REDIC1: variants seen among roughly 807,000 people sequenced by gnomAD.
The protein encoded by REDIC1 is regulator of DNA class I crossover intermediates 1, also known as HEI10 Interacting Protein 1.
At chr12:39,848,542 T>G in the REDIC1 span, among the ~76,000 whole-genome samples, 1 of 152,138 alleles carries the variant, frequency 6.6e-6, no homozygotes, top group African/African-American at 2.4e-5. Flanking sequence ...GGTGAGGTTG[T>G]GGAGAAAAGG....
the REDIC1 span, among the ~76,000 whole-genome samples, chr12:39,712,724 T>C: frequency 3.6e-5 from 1 of 27,852 alleles, no homozygotes; most frequent in African/African-American, 2.7e-4. Flanking sequence ...GACGTATACG[T>C]GTATATATGT....
chr12:39,797,838 T>A, the REDIC1 span, among the ~76,000 whole-genome samples: 1 of 151,648 alleles, frequency 6.6e-6, no homozygotes, highest in Non-Finnish European at 1.5e-5. Flanking sequence ...CATGTAAACA[T>A]AAAAGTTATT....
At chr12:39,849,886 G>GT in the REDIC1 span, among the ~76,000 whole-genome samples, 1 of 151,626 alleles carries the variant, frequency 6.6e-6, no homozygotes, top group Non-Finnish European at 1.5e-5. Context: ...CTCTGTTGTT[G>GT]TTTTTTAAAA....
the REDIC1 span, among the ~76,000 whole-genome samples, chr12:39,876,943 T>C: frequency 6.6e-6 from 1 of 152,160 alleles, no homozygotes; most frequent in African/African-American, 2.4e-5. Flanking sequence ...CTGTAAGACC[T>C]TAAAGATTTC....
the REDIC1 span, among the ~76,000 whole-genome samples, chr12:39,649,633 TC>T: frequency 6.6e-6 from 1 of 151,684 alleles, no homozygotes; most frequent in Non-Finnish European, 1.5e-5. Flanking sequence ...ACTTCTCATT[TC>T]TATGTTTCAT....
chr12:39,801,339 TA>T, the REDIC1 span, among the ~76,000 whole-genome samples: 179 of 126,838 alleles, frequency 1.4e-3, 1 homozygote, highest in East Asian at 8.6e-3. Flanking sequence ...ATGAGGAAAT[TA>T]AAAAAAAAAA....
At chr12:39,879,591 T>C in the REDIC1 span, among the ~76,000 whole-genome samples, 1 of 152,346 alleles carries the variant, frequency 6.6e-6, no homozygotes, top group African/African-American at 2.4e-5. Flanking sequence ...CTGTACCCCC[T>C]TTCTTCCTTT....
the REDIC1 span, among the ~76,000 whole-genome samples, chr12:39,706,761 C>CA: frequency 6.6e-6 from 1 of 151,926 alleles, no homozygotes; most frequent in Non-Finnish European, 1.5e-5. Flanking sequence ...TGGGAAAAGA[C>CA]AGTCTCTTCA....
the REDIC1 span, among the ~76,000 whole-genome samples, chr12:39,815,611 C>A: frequency 8.0e-4 from 121 of 152,156 alleles, no homozygotes; most frequent in East Asian, 8.5e-3. Context: ...CGGTAAGAGG[C>A]GAACGGGGAT....
chr12:39,655,976 C>T, the REDIC1 span, among the ~76,000 whole-genome samples: 13 of 151,878 alleles, frequency 8.6e-5, no homozygotes, highest in African/African-American at 1.2e-4. Flanking sequence ...TGCCCCACAT[C>T]AGGTTTTTTT....
At chr12:39,864,771 G>C in the REDIC1 span, 1 of 1,614,010 alleles carries the variant, frequency 6.2e-7, no homozygotes, top group Non-Finnish European at 8.5e-7. Context: ...CCTGTATCTT[G>C]TGCAAGTGGC....
chr12:39,891,599 T>C, the REDIC1 span, among the ~76,000 whole-genome samples: 4 of 152,184 alleles, frequency 2.6e-5, no homozygotes, highest in Non-Finnish European at 5.9e-5. Context: ...AGGCAGGAAC[T>C]TGGAAATAAT....
the REDIC1 span, among the ~76,000 whole-genome samples, chr12:39,733,070 C>CAT: frequency 3.7e-3 from 1 of 268 alleles, no homozygotes; most frequent in East Asian, 0.25. Flanking sequence ...CAGAAAAATG[C>CAT]ACACACACAC....
the REDIC1 span, among the ~76,000 whole-genome samples, chr12:39,730,027 C>T: frequency 6.6e-6 from 1 of 152,120 alleles, no homozygotes; most frequent in African/African-American, 2.4e-5. Context: ...ATTCCTCCAT[C>T]CTTTTATTTT....
the REDIC1 span, among the ~76,000 whole-genome samples, chr12:39,697,107 A>G: frequency 6.6e-6 from 1 of 152,232 alleles, no homozygotes; most frequent in African/African-American, 2.4e-5. Context: ...AAAGGATGCT[A>G]AAAGCGGCAA....
At chr12:39,626,215 CT>C in the REDIC1 span, 1 of 1,035,072 alleles carries the variant, frequency 9.7e-7, no homozygotes, top group South Asian at 1.5e-5. Flanking sequence ...CCAGAAGGAG[CT>C]TACTCGGGCC....
the REDIC1 span, among the ~76,000 whole-genome samples, chr12:39,654,061 ATGT>A: frequency 7.0e-6 from 1 of 143,206 alleles, no homozygotes; most frequent in African/African-American, 2.6e-5. Flanking sequence ...TGAAATTATG[ATGT>A]TGTTTTTTTT....
the REDIC1 span, among the ~76,000 whole-genome samples, chr12:39,649,167 A>G: frequency 6.6e-6 from 1 of 151,898 alleles, no homozygotes; most frequent in Non-Finnish European, 1.5e-5. Flanking sequence ...AGAGAGGTAA[A>G]TAATTTTATG....
the REDIC1 span, among the ~76,000 whole-genome samples, chr12:39,859,404 G>T: frequency 6.6e-6 from 1 of 151,144 alleles, no homozygotes; most frequent in Non-Finnish European, 1.5e-5. Flanking sequence ...GCATCACCTG[G>T]GGAGCATTTC....
Sources: allele counts gnomAD v4.1 joint callset (sites outside exome capture counted in the v4.1 genomes callset), GRCh38; gene constraint gnomAD v4.1.1; transcripts MANE v1.5; gene names NCBI Gene and HGNC (gene_info 2026-07-23, HGNC 2026-07-21).